UBAC2: variants seen among roughly 807,000 people sequenced by gnomAD.
UBAC2 encodes the protein ubiquitin-associated domain-containing protein 2.
In UBAC2, 26 loss-of-function variants were observed where a neutral mutation model predicts 44.0. That is an observed-to-expected ratio of 0.59 (90% confidence interval 0.43 to 0.82). The LOEUF (loss-of-function observed/expected upper bound fraction) is 0.82. Ranked by LOEUF, UBAC2 falls within the 40% of genes least tolerant of loss-of-function variation. The pLI is 0.00. For missense variants in UBAC2, 329 were observed against 419.4 expected (o/e 0.78, Z 1.88); for synonymous variants, 155 against 154.3 (o/e 1.00, Z -0.04).
intron 1 of UBAC2, among the ~76,000 whole-genome samples, chr13:99,216,487 G>A (rs540282316): frequency 1.9e-3 from 295 of 152,152 alleles, no homozygotes; most frequent in Admixed American, 4.1e-3. Context: ...ATCAAATTTC[G>A]TTTAAAATAT....
rs545713975 is a variant in UBAC2, at chr13:99,325,125, C to T, written c.561+7056C>T. Among the ~76,000 whole-genome samples, 7 of 106,310 alleles carry T rather than the reference C, an allele frequency of 6.6e-5. No individual in the cohort carries two copies. In the East Asian group the frequency reaches 1.2e-3, roughly 18 times the overall value. The allele number at this position is 106,310 out of a possible 152,430, so 69.7% of individuals were successfully genotyped here. A position where few individuals can be genotyped will look rare whatever the true frequency, so the allele number is the denominator to read the frequency against. On this transcript the variant is annotated intron_variant, in intron 6 of 8. Transcript: ENST00000403766. ...TTTTTTTTTTTTTTTTTTTTTGATACGGAGTCTCTCACTGTCACCCAGGCT... is the reference window on the plus strand; with the variant it reads ...TTTTTTTTTTTTTTTTTTTTTGATATGGAGTCTCTCACTGTCACCCAGGCT...
intron 7 of UBAC2, among the ~76,000 whole-genome samples, chr13:99,360,837 G>T (rs2045255526): frequency 6.6e-6 from 1 of 152,092 alleles, no homozygotes; most frequent in South Asian, 2.1e-4. Context: ...GCATTGTTCT[G>T]GCTTTTCCAT....
intron 4 of UBAC2, among the ~76,000 whole-genome samples, chr13:99,279,981 G>A (rs1053394130): frequency 2.6e-5 from 4 of 152,230 alleles, no homozygotes; most frequent in Non-Finnish European, 5.9e-5. Context: ...GGACACAACT[G>A]TGAGATGGAT....
Position 99,340,316 on chromosome 13 carries a change from C to T in UBAC2, c.562-4C>T, listed in dbSNP as rs1021685658. 3.1e-6 allele frequency: 5 copies of T among 1,601,460 alleles called. No homozygotes were observed. The highest frequency in any genetic ancestry group is 1.7e-4 in the Middle Eastern group (1 of 5,980). ...AACAATCACATTGGACGTTTTTCTT[C>T]TAGATGTCCGGTCTGTGCTACGACA... On this transcript the variant is annotated splice_polypyrimidine_tract_variant and splice_region_variant and intron_variant, in intron 6 of 8. Coordinates refer to ENST00000403766, the MANE Select transcript of UBAC2 (RefSeq NM_001144072.2).
rs979890797 is a variant in UBAC2, at chr13:99,385,718, G to A, written c.*383G>A. 4 of 192,414 alleles carry A rather than the reference G, an allele frequency of 2.1e-5. No homozygotes were observed. Among genetic ancestry groups the A allele is most frequent in the Admixed American group, 1.6e-4 (3 of 18,818 alleles). The allele number at this position is 192,414 out of a possible 1,614,324, so 11.9% of individuals were successfully genotyped here. A position where few individuals can be genotyped will look rare whatever the true frequency, so the allele number is the denominator to read the frequency against. On this transcript the variant is annotated 3_prime_UTR_variant, in exon 9 of 9. Coordinates refer to ENST00000403766, the MANE Select transcript of UBAC2 (RefSeq NM_001144072.2). Reference sequence around the variant, plus strand: ...ATCTCCTGCGTCGTGATGGGGAGAGGGTAATGTTACTTCACAAAGGACATG... The same window carrying A: ...ATCTCCTGCGTCGTGATGGGGAGAGAGTAATGTTACTTCACAAAGGACATG...
At position 99,201,349 on chromosome 13, in the gene UBAC2, C is replaced by A. The variant is rs1368707715; in HGVS notation, c.31+410C>A. 6 of 1,551,006 alleles carry A rather than the reference C, an allele frequency of 3.9e-6. No homozygotes were observed. In the Admixed American group the frequency reaches 9.6e-5, roughly 25 times the overall value. On this transcript the variant is annotated intron_variant, in intron 1 of 8. Coordinates refer to ENST00000403766, the MANE Select transcript of UBAC2 (RefSeq NM_001144072.2). Reference sequence around the variant, plus strand: ...TAGGCTTGGGGGACCGAACTAACTCCCCCCGCCCCCACTTGCAAAGTTCAG... The same window carrying A: ...TAGGCTTGGGGGACCGAACTAACTCACCCCGCCCCCACTTGCAAAGTTCAG...
At chr13:99,299,065 A>G (rs765588803) in intron 4 of UBAC2, among the ~76,000 whole-genome samples, 5 of 152,198 alleles carry the variant, frequency 3.3e-5, no homozygotes, top group Admixed American at 6.5e-5. Context: ...CTCCATATGA[A>G]TAATTATTAT....
chr13:99,375,283 AG>A (rs1185109797), intron 8 of UBAC2, among the ~76,000 whole-genome samples: 1 of 141,464 alleles, frequency 7.1e-6, no homozygotes, highest in Non-Finnish European at 1.5e-5. Context: ...ATGTGAAAGG[AG>A]GGGGGATCTG....
At chr13:99,346,263 G>A (rs201350547) in intron 7 of UBAC2, among the ~76,000 whole-genome samples, 14 of 152,244 alleles carry the variant, frequency 9.2e-5, no homozygotes, top group East Asian at 7.7e-4. Flanking sequence ...TCAGGCCACC[G>A]GCGCCATTTG....
chr13:99,278,675 ATAGAT>A (rs1260830327), intron 4 of UBAC2, among the ~76,000 whole-genome samples: 2 of 152,232 alleles, frequency 1.3e-5, no homozygotes, highest in East Asian at 1.9e-4. Context: ...GTTTGGAATA[ATAGAT>A]TAGATAAGTT....
chr13:99,254,924 AT>A (rs747319192), intron 4 of UBAC2: 2 of 1,613,978 alleles, frequency 1.2e-6, no homozygotes, highest in Non-Finnish European at 1.7e-6. Flanking sequence ...AGACTACCAG[AT>A]CGGAAACTTT....
At chr13:99,204,339 G>A (rs2042841938) in intron 1 of UBAC2, among the ~76,000 whole-genome samples, 1 of 152,252 alleles carries the variant, frequency 6.6e-6, no homozygotes, top group South Asian at 2.1e-4. Flanking sequence ...AGTTTGGCAG[G>A]CATCATAGTG....
intron 7 of UBAC2, among the ~76,000 whole-genome samples, chr13:99,342,806 C>T (rs886981223): frequency 1.3e-5 from 2 of 152,210 alleles, no homozygotes; most frequent in African/African-American, 2.4e-5. Flanking sequence ...CAGATCCACA[C>T]GTGTAATTGC....
chr13:99,257,847 A>G (rs1038498010), intron 4 of UBAC2, among the ~76,000 whole-genome samples: 1 of 152,230 alleles, frequency 6.6e-6, no homozygotes, highest in African/African-American at 2.4e-5. Flanking sequence ...GTAAAGCAAT[A>G]TTGAAAATAA....
intron 8 of UBAC2, among the ~76,000 whole-genome samples, chr13:99,382,015 A>T (rs1318729040): frequency 1.3e-5 from 2 of 152,220 alleles, no homozygotes; most frequent in African/African-American, 4.8e-5. Flanking sequence ...TGTTGGTGAC[A>T]TGCAGAATGG....
chr13:99,215,723 C>G, intron 1 of UBAC2: 1 of 1,492,604 alleles, frequency 6.7e-7, no homozygotes, highest in Non-Finnish European at 9.0e-7. Context: ...TTGTCTTGGC[C>G]TTTCCGGAGT....
intron 4 of UBAC2, among the ~76,000 whole-genome samples, chr13:99,310,242 G>A (rs1051669118): frequency 3.3e-5 from 5 of 152,184 alleles, no homozygotes; most frequent in African/African-American, 1.2e-4. Flanking sequence ...CGAGAAGATT[G>A]CTTGAGCCTA....
chr13:99,370,093 T>C (rs1343678255), intron 8 of UBAC2, among the ~76,000 whole-genome samples: 2 of 152,228 alleles, frequency 1.3e-5, no homozygotes, highest in African/African-American at 4.8e-5. Context: ...GGATTGGATA[T>C]TGGTATTATA....
intron 1 of UBAC2, chr13:99,215,361 C>A: frequency 1.0e-6 from 1 of 985,988 alleles, no homozygotes; most frequent in Non-Finnish European, 1.6e-6. Context: ...AACAAGGAAT[C>A]CAGGCATACA....
Sources: gnomAD v4.1 joint callset for allele counts (sites outside exome capture counted in the v4.1 genomes callset) on GRCh38, gnomAD v4.1.1 for gene constraint, MANE v1.5 for transcripts, NCBI Gene and HGNC (gene_info 2026-07-23, HGNC 2026-07-21) for gene names.